Variants in ATP8B2 observed in about 807,000 individuals in gnomAD.
ATP8B2 encodes phospholipid-transporting ATPase ID.
In ATP8B2, 70 loss-of-function variants were observed where a neutral mutation model predicts 133.4. The observed-to-expected ratio is 0.52, with a 90% CI of 0.43 to 0.64. The LOEUF is 0.64. ATP8B2 is among the 30% of genes least tolerant of loss of function. The pLI is 0.00. For synonymous variants in ATP8B2, 517 were observed against 589.5 expected, an observed-to-expected ratio of 0.88 and a Z score of 1.78; for missense variants, 1,101 against 1,535.7, an observed-to-expected ratio of 0.72 and a Z score of 4.73.
rs1193396814 is a variant in ATP8B2, at chr1:154,349,872, G to A, written c.*754G>A. 1 of 152,552 alleles carries A rather than the reference G, an allele frequency of 6.6e-6. No homozygotes were observed. The allele number at this position is 152,552 out of a possible 1,614,324, so 9.4% of individuals were successfully genotyped here. Reference sequence around the variant, plus strand: ...GTGGGAGAGTGTAAAGGAGGGTTTGGTCCTGTCTGCTTCCTCACCTTGAGA... The same window carrying A: ...GTGGGAGAGTGTAAAGGAGGGTTTGATCCTGTCTGCTTCCTCACCTTGAGA... On this transcript the variant is annotated 3_prime_UTR_variant, in exon 28 of 28. Transcript: ENST00000368489.
Position 154,344,001 on chromosome 1 carries a change from G to A in ATP8B2, c.1867G>A (p.Asp623Asn). 1 of 1,614,196 alleles carries A rather than the reference G, an allele frequency of 6.2e-7. No individual in the cohort carries two copies. ...ACGCCTCCAGGCCAGCCTGGCCCAG[G>A]ACAGCCGGGAGGACAGGCTGGCTAG... The part of the protein sequence containing the change: ...ERRLQASLAQ[D>N]SREDRLASIY... Residue 623 changes from aspartate to asparagine, a missense_variant, in exon 18 of 28, where the codon GAC becomes AAC. Physicochemically the swap from Asp to Asn is conservative, Grantham distance 23 (BLOSUM62 1). Coordinates refer to ENST00000368489, the MANE Select transcript of ATP8B2 (RefSeq NM_001370597.1). The surrounding 1 kb of genome is among the most constrained non-coding windows in gnomAD (Gnocchi z 4.1).
rs751885995 is a variant in ATP8B2 at position 154,344,810 on chromosome 1, G to C, written c.2286+25G>C. 2 of 1,581,638 alleles carry C rather than the reference G, an allele frequency of 1.3e-6. No individual in the cohort carries two copies. Among genetic ancestry groups the C allele is most frequent in the South Asian group, 2.3e-5 (2 of 88,168 alleles). On this transcript the variant is annotated intron_variant, in intron 21 of 27. Coordinates refer to ENST00000368489, the MANE Select transcript of ATP8B2 (RefSeq NM_001370597.1). This position sits in a 1 kb window ranked among gnomAD's most constrained non-coding sequence, Gnocchi z 4.1. ...GGTAGGCATCGCTATCCTTAGCTTG[G>C]GCAGTATCTTTCCAGTGAGCACTTC... is the stretch of plus-strand genomic sequence containing the variant.
intron 12 of ATP8B2, among the ~76,000 whole-genome samples, chr1:154,339,458 T>C (rs1033345031): frequency 1.3e-5 from 2 of 152,248 alleles, no homozygotes; most frequent in African/African-American, 2.4e-5. Context: ...TACTGGGTGG[T>C]AGCCTGCTCA....
Position 154,348,841 on chromosome 1 carries a change from T to C in ATP8B2, c.3296T>C (p.Val1099Ala). ...GCTCTTCCCTGTGCCCCTCTGCAGG[T>C]CCGCTACACACAGCTCGTGAGGAAG... Reference protein sequence around the residue: ...LNLKPDLSDTVRYTQLVRKKQ... With the variant: ...LNLKPDLSDTARYTQLVRKKQ... The change falls in exon 28 of 28, where the codon GTC becomes GCC. Residue 1099 changes from valine to alanine, a missense_variant and splice_region_variant. Transcript: ENST00000368489. 1 of 1,592,938 alleles carries C rather than the reference T, an allele frequency of 6.3e-7. No homozygotes were observed. Among genetic ancestry groups the C allele is most frequent in the Non-Finnish European group, 8.6e-7 (1 of 1,165,556 alleles).
At position 154,328,394 on chromosome 1, in the gene ATP8B2, G is replaced by GA. The variant is rs1685861869; in HGVS notation, c.31+225dup. 6.6e-6 allele frequency among the ~76,000 whole-genome samples: 1 copy of GA among 152,154 alleles called. No individual in the cohort carries two copies. The highest frequency in any genetic ancestry group is 1.5e-5 in the Non-Finnish European group (1 of 68,026). ...GCGCAGAGCACCAGCCCCACGCCCC[G>GA]AAACACCTGCAGTCTTATCTTCGGG... On this transcript the variant is annotated intron_variant, in intron 2 of 27. Transcript: ENST00000368489. This position sits in a 1 kb window ranked among gnomAD's most constrained non-coding sequence, Gnocchi z 4.6.
rs769879948 is a variant in ATP8B2 at position 154,343,090 on chromosome 1, G to C, written c.1454-23G>C. The C allele has an allele frequency of 3.4e-5, 54 of 1,606,318 alleles. No homozygotes were observed. The highest frequency in any genetic ancestry group is 1.7e-4 in the Middle Eastern group (1 of 6,028). On this transcript the variant is annotated intron_variant, in intron 15 of 27. Transcript: ENST00000368489. The surrounding 1 kb of genome is among the most constrained non-coding windows in gnomAD (Gnocchi z 5.8). ...GGCTGAGGGAAGCCACTTATATCAC[G>C]TGTATTCTTCCTCCCCACCCAGGAG...
Position 154,344,814 on chromosome 1 carries a change from G to A in ATP8B2, c.2286+29G>A. Reference sequence around the variant, plus strand: ...GGCATCGCTATCCTTAGCTTGGGCAGTATCTTTCCAGTGAGCACTTCTGTC... The same window carrying A: ...GGCATCGCTATCCTTAGCTTGGGCAATATCTTTCCAGTGAGCACTTCTGTC... On this transcript the variant is annotated intron_variant, in intron 21 of 27. Coordinates refer to ENST00000368489, the MANE Select transcript of ATP8B2 (RefSeq NM_001370597.1). This position sits in a 1 kb window ranked among gnomAD's most constrained non-coding sequence, Gnocchi z 4.1. 4.4e-6 allele frequency: 7 copies of A among 1,580,090 alleles called. No individual in the cohort carries two copies. Among genetic ancestry groups the A allele is most frequent in the Non-Finnish European group, 6.0e-6 (7 of 1,158,244 alleles).
In ATP8B2 at chr1:154,349,293, C is replaced by A; in HGVS notation, c.*175C>A. 1.1e-6 allele frequency: 1 copy of A among 909,324 alleles called. No homozygotes were observed. Among genetic ancestry groups the A allele is most frequent in the Non-Finnish European group, 1.6e-6 (1 of 617,722 alleles). 56.3% of individuals were successfully genotyped at this position (909,324 alleles called of 1,614,324 possible). ...GGGACATCTGTTCCCAGCTGTAGGC[C>A]CTTCCACCAGCTGGGGAGCTAGAGG... On this transcript the variant is annotated 3_prime_UTR_variant, in exon 28 of 28. Coordinates refer to ENST00000368489, the MANE Select transcript of ATP8B2 (RefSeq NM_001370597.1).
At chr1:154,342,660 G>A in intron 14 of ATP8B2, 136 bp from the exon 15 acceptor site, 1 of 1,436,350 alleles carries the variant, frequency 7.0e-7, no homozygotes, top group Non-Finnish European at 9.7e-7. Flanking sequence ...GGCAGAACTG[G>A]TGATGACGGA....
chr1:154,338,721 C>G (rs1319517982), intron 12 of ATP8B2: 1 of 152,172 alleles, frequency 6.6e-6, no homozygotes, highest in Non-Finnish European at 1.5e-5. Flanking sequence ...AGAATGTATT[C>G]TGTATTCTAA....
chr1:154,342,860 C>G lies in ATP8B2; in HGVS notation c.1352C>G (p.Pro451Arg). Reference protein sequence around the residue: ...LADKKFLFWDPSLLEAVKIGD... With the variant: ...LADKKFLFWDRSLLEAVKIGD... ...GACAAGAAGTTCTTATTTTGGGACC[C>G]CAGCCTGCTGGAGGCTGTCAAGATC... is the stretch of plus-strand genomic sequence containing the variant. The change falls in exon 15 of 28, where the codon CCC (proline) becomes CGC (arginine). Residue 451 changes from proline to arginine, a missense_variant. By Grantham distance (103) the Pro-to-Arg change is moderately radical. Coordinates refer to ENST00000368489, the MANE Select transcript of ATP8B2 (RefSeq NM_001370597.1). 6.2e-7 allele frequency: 1 copy of G among 1,614,172 alleles called. No individual in the cohort carries two copies. The highest frequency in any genetic ancestry group is 8.5e-7 in the Non-Finnish European group (1 of 1,180,014).
chr1:154,327,762 T>G, intron 1 of ATP8B2: 1 of 1,594,300 alleles, frequency 6.3e-7, no homozygotes. Context: ...CACTACTCAT[T>G]GCCGCCAGAA....
In ATP8B2 at chr1:154,328,068, C is replaced by G; in HGVS notation, c.-37-37C>G. ...CATGAGGGGAGGGAAGGGTTATCCTCAGCTTCCTGACCTCATTCGTCTGTC... is the reference window on the plus strand; with the variant it reads ...CATGAGGGGAGGGAAGGGTTATCCTGAGCTTCCTGACCTCATTCGTCTGTC... On this transcript the variant is annotated intron_variant, in intron 1 of 27. Transcript: ENST00000368489. The surrounding 1 kb of genome is among the most constrained non-coding windows in gnomAD (Gnocchi z 4.6). The G allele has an allele frequency of 3.1e-6, 5 of 1,603,606 alleles. No individual in the cohort carries two copies. The highest frequency in any genetic ancestry group is 4.3e-6 in the Non-Finnish European group (5 of 1,170,444).
In ATP8B2 at chr1:154,337,638, C is replaced by T. The variant is rs903528496; in HGVS notation, c.1034+94C>T. 1.1e-5 allele frequency: 17 copies of T among 1,613,446 alleles called. No homozygotes were observed. In the East Asian group the frequency reaches 1.3e-4, roughly 13 times the overall value. Reference sequence around the variant, plus strand: ...TGAAGATGAAGTCCTTGAGAAGTAACGAGAAGTCCTCTTCTTCCTGTACTG... The same window carrying T: ...TGAAGATGAAGTCCTTGAGAAGTAATGAGAAGTCCTCTTCTTCCTGTACTG... On this transcript the variant is annotated intron_variant, in intron 12 of 27. Transcript: ENST00000368489.
rs964688854 is a variant in ATP8B2, at chr1:154,330,686, C to T, written c.91-129C>T. ...CTCCCTTCTCTCCTCCTCTTTCCCC[C>T]TCCCACACCTGTGTTTGCTAGCTTT... On this transcript the variant is annotated intron_variant, in intron 3 of 27. Transcript: ENST00000368489. 10 of 827,046 alleles carry T rather than the reference C, an allele frequency of 1.2e-5. No individual in the cohort carries two copies. The Admixed American group carries it at 2.4e-4, about 20-fold the overall frequency. 51.2% of individuals were successfully genotyped at this position (827,046 alleles called of 1,614,324 possible).
chr1:154,337,689 C>T (rs374832421), intron 12 of ATP8B2, 145 bp downstream of exon 12: 152 of 1,574,526 alleles, frequency 9.7e-5, no homozygotes, highest in Non-Finnish European at 1.3e-4. Context: ...ATCTGTTTAT[C>T]TTTGTGGGCA....
At position 154,331,837 on chromosome 1, in the gene ATP8B2, C is replaced by T; in HGVS notation, c.439-117C>T. 7.6e-7 allele frequency: 1 copy of T among 1,307,482 alleles called. No homozygotes were observed. The highest frequency in any genetic ancestry group is 2.3e-5 in the East Asian group (1 of 43,296). 81.0% of individuals were successfully genotyped at this position (1,307,482 alleles called of 1,614,324 possible). A position where few individuals can be genotyped will look rare whatever the true frequency, so the allele number is the denominator to read the frequency against. The stretch of plus-strand genomic sequence containing the variant: ...GTCATGCTGATATGCCTGGAACTAG[C>T]CATTTATGCACCTGGAACTAAGCAA... On this transcript the variant is annotated intron_variant, in intron 7 of 27. Coordinates refer to ENST00000368489, the MANE Select transcript of ATP8B2 (RefSeq NM_001370597.1). The surrounding 1 kb of genome is among the most constrained non-coding windows in gnomAD (Gnocchi z 4.8).
Position 154,337,453 on chromosome 1 carries a change from G to A in ATP8B2, c.943G>A (p.Ala315Thr). ...RFQVYLPWDE[A>T]VDSAFFSGFL... ...CCAGGTCTACCTGCCGTGGGATGAG[G>A]CAGTGGACAGTGCCTTCTTCTCTGG... The change falls in exon 12 of 28, where the codon GCA (alanine) becomes ACA (threonine). Residue 315 changes from alanine to threonine, a missense_variant. Physicochemically the swap from Ala to Thr is moderately conservative, Grantham distance 58. Coordinates refer to ENST00000368489, the MANE Select transcript of ATP8B2 (RefSeq NM_001370597.1). 6.2e-7 allele frequency: 1 copy of A among 1,614,162 alleles called. No individual in the cohort carries two copies. Among genetic ancestry groups the A allele is most frequent in the Non-Finnish European group, 8.5e-7 (1 of 1,180,032 alleles).
Position 154,334,171 on chromosome 1 carries a change from G to T in ATP8B2, c.654G>T (p.Lys218Asn). Residue 218 changes from lysine (K) to asparagine (N), a missense_variant, in exon 10 of 28, where the codon AAG becomes AAT. Transcript: ENST00000368489. The surrounding 1 kb of genome is among the most constrained non-coding windows in gnomAD (Gnocchi z 4.6). ...AATTCAGCGGAACCCTCTACTGGAA[G>T]GAAAATAAGTTCCCTCTGAGCAACC... Reference protein sequence around the residue: ...LDKFSGTLYWKENKFPLSNQN... With the variant: ...LDKFSGTLYWNENKFPLSNQN... 2 of 1,614,196 alleles carry T rather than the reference G, an allele frequency of 1.2e-6. No homozygotes were observed. The highest frequency in any genetic ancestry group is 1.7e-6 in the Non-Finnish European group (2 of 1,180,032).
Sources: allele counts gnomAD v4.1 joint callset (sites outside exome capture counted in the v4.1 genomes callset), GRCh38; gene constraint gnomAD v4.1.1; non-coding constraint Gnocchi (gnomAD v3.1); transcripts MANE v1.5; gene names NCBI Gene and HGNC (gene_info 2026-07-23, HGNC 2026-07-21).